GRID2: variants seen among roughly 807,000 people sequenced by gnomAD.
The protein encoded by GRID2 is glutamate receptor ionotropic, delta-2.
In GRID2, 33 loss-of-function variants were observed where a neutral mutation model predicts 114.8. The observed-to-expected ratio is 0.29, with a 90% CI of 0.22 to 0.38. The LOEUF (loss-of-function observed/expected upper bound fraction) is 0.38, where lower values mean the gene tolerates loss of function less well. Among genes scored for constraint, GRID2 ranks in the 10% least tolerant of loss-of-function variants. The pLI, the probability that GRID2 is intolerant of heterozygous loss-of-function variation, is 1.00. For synonymous variants in GRID2, 505 were observed against 449.9 expected (o/e 1.12, Z -1.55); for missense variants, 1,184 against 1,257.7 (o/e 0.94, Z 0.89).
intron 13 of GRID2, among the ~76,000 whole-genome samples, chr4:93,581,797 A>G (rs986451560): frequency 6.6e-6 from 1 of 152,124 alleles, no homozygotes; most frequent in Non-Finnish European, 1.5e-5. Flanking sequence ...TGCATTATTG[A>G]ATAATTTTAT....
chr4:93,154,202 A>C (rs920801261), intron 4 of GRID2, among the ~76,000 whole-genome samples: 1 of 152,076 alleles, frequency 6.6e-6, no homozygotes, highest in Non-Finnish European at 1.5e-5. Flanking sequence ...TTCAGTTGCT[A>C]TGCACCAGCA....
chr4:93,494,000 T>A (rs1231309677), intron 12 of GRID2, among the ~76,000 whole-genome samples: 1 of 151,756 alleles, frequency 6.6e-6, no homozygotes, highest in Non-Finnish European at 1.5e-5. Context: ...CTCCCGAAAT[T>A]TAAAGATATC....
At chr4:92,953,641 C>T (rs1752182307) in intron 2 of GRID2, among the ~76,000 whole-genome samples, 2 of 152,044 alleles carry the variant, frequency 1.3e-5, no homozygotes, top group African/African-American at 4.8e-5. Context: ...AGTCTCTCGA[C>T]AGGGAACAAA....
intron 14 of GRID2, among the ~76,000 whole-genome samples, chr4:93,634,081 GAGC>G (rs1173561078): frequency 3.3e-5 from 5 of 152,090 alleles, no homozygotes; most frequent in African/African-American, 9.7e-5. Flanking sequence ...CAAGCTCTGA[GAGC>G]AGAAGTGACA....
intron 2 of GRID2, among the ~76,000 whole-genome samples, chr4:92,962,196 CTG>C (rs113224004): frequency 2.6e-5 from 4 of 151,902 alleles, no homozygotes; most frequent in Admixed American, 6.6e-5. Context: ...TCTCTTCAAA[CTG>C]TGTGTGTGTG....
At chr4:93,778,936 T>A (rs938750359), downstream of GRID2, among the ~76,000 whole-genome samples, 1 of 152,152 alleles carries the variant, frequency 6.6e-6, no homozygotes, top group Non-Finnish European at 1.5e-5. Flanking sequence ...TATATACACA[T>A]AATTGGGACT....
chr4:93,343,299 T>C (rs1281938933), intron 8 of GRID2, among the ~76,000 whole-genome samples: 1 of 152,018 alleles, frequency 6.6e-6, no homozygotes, highest in Non-Finnish European at 1.5e-5. Flanking sequence ...CTATTTGAAT[T>C]GGGATGTGTT....
At chr4:92,942,988 T>C (rs1751290779) in intron 2 of GRID2, among the ~76,000 whole-genome samples, 1 of 152,236 alleles carries the variant, frequency 6.6e-6, no homozygotes. Context: ...CCTTTCTCTC[T>C]GGCTGCCCTT....
chr4:93,007,653 C>T (rs903014598), intron 2 of GRID2, among the ~76,000 whole-genome samples: 4 of 152,030 alleles, frequency 2.6e-5, no homozygotes, highest in Admixed American at 1.3e-4. Context: ...TATATTTAAT[C>T]GTAGATCCCA....
At chr4:92,389,451 A>G (rs566638878) in intron 1 of GRID2, among the ~76,000 whole-genome samples, 1 of 152,162 alleles carries the variant, frequency 6.6e-6, no homozygotes, top group East Asian at 1.9e-4. Context: ...AGGAAATAAT[A>G]CTCTAAGAAG....
At chr4:93,591,892 C>T (rs1042314743) in intron 13 of GRID2, among the ~76,000 whole-genome samples, 4 of 152,002 alleles carry the variant, frequency 2.6e-5, no homozygotes, top group East Asian at 1.9e-4. Context: ...TCTGTGGGAT[C>T]GGTGGTGATA....
chr4:92,965,450 TAAAAAAAAAAAAAAAAAAA>T (rs869285420), intron 2 of GRID2, among the ~76,000 whole-genome samples: 19 of 85,760 alleles, frequency 2.2e-4, no homozygotes, highest in East Asian at 1.9e-3. Flanking sequence ...ATTCAATTTG[TAAAAAAAAAAAAAAAAAAA>T]AAAAAAAAAA....
rs1729639629 is a variant in GRID2, at chr4:92,381,953, AT to A, written c.88+77215del. ...ACAGACTAGATATTGATTTATTACT[AT>A]TTTTTCAAGTTTTTCATGATTTTTC... is the stretch of plus-strand genomic sequence containing the variant. On this transcript the variant is annotated intron_variant, in intron 1 of 15. Coordinates refer to ENST00000282020, the MANE Select transcript of GRID2 (RefSeq NM_001510.4). 3.3e-5 allele frequency among the ~76,000 whole-genome samples: 5 copies of A among 152,084 alleles called. No individual in the cohort carries two copies. In the South Asian group the frequency reaches 1.0e-3, roughly 32 times the overall value.
At chr4:93,007,463 C>T (rs2149225529) in intron 2 of GRID2, among the ~76,000 whole-genome samples, 1 of 152,176 alleles carries the variant, frequency 6.6e-6, no homozygotes, top group African/African-American at 2.4e-5. Context: ...GCAGTAAAGC[C>T]TTTTTTAAAA....
At chr4:92,607,789 G>C (rs1193407416) in intron 2 of GRID2, among the ~76,000 whole-genome samples, 1 of 151,838 alleles carries the variant, frequency 6.6e-6, no homozygotes, top group Non-Finnish European at 1.5e-5. Context: ...AAGACACTGA[G>C]GTAGAATTAG....
chr4:93,743,118 G>A, intron 14 of GRID2, among the ~76,000 whole-genome samples: 2 of 152,284 alleles, frequency 1.3e-5, no homozygotes, highest in Non-Finnish European at 2.9e-5. Flanking sequence ...AGTTTAATTG[G>A]TCTGGATAGA....
At chr4:93,394,486 C>T (rs1765140354) in intron 8 of GRID2, among the ~76,000 whole-genome samples, 1 of 151,810 alleles carries the variant, frequency 6.6e-6, no homozygotes, top group Non-Finnish European at 1.5e-5. Flanking sequence ...ATAGGAAGCA[C>T]CTAAATTGTT....
Position 92,532,363 on chromosome 4 carries a change from TAAAAG to T in GRID2, c.89-57762_89-57758del, listed in dbSNP as rs568197050. ...TTGAAATATACTGAGCTGTAAAAAT[TAAAAG>T]AAAAGGATTTGGTTATCATCAATAC... On this transcript the variant is annotated intron_variant, in intron 1 of 15. Coordinates refer to ENST00000282020, the MANE Select transcript of GRID2 (RefSeq NM_001510.4). Among the ~76,000 whole-genome samples, 23 of 152,228 alleles carry T rather than the reference TAAAAG, an allele frequency of 1.5e-4. 1 individual carries two copies. The East Asian group carries it at 3.7e-3, about 24-fold the overall frequency.
Position 92,313,179 on chromosome 4 carries a change from T to A in GRID2, c.88+8435T>A, listed in dbSNP as rs79191278. Among the ~76,000 whole-genome samples the A allele has an allele frequency of 6.9e-3, 1,049 of 151,776 alleles. 12 individuals carry two copies. The highest frequency in any genetic ancestry group is 0.024 in the African/African-American group (1,011 of 41,360). Reference sequence around the variant, plus strand: ...AAGAACGAATTAACAGCATTTGCAATGACTTGGATGAGATTAGAGACTATT... The same window carrying A: ...AAGAACGAATTAACAGCATTTGCAAAGACTTGGATGAGATTAGAGACTATT... On this transcript the variant is annotated intron_variant, in intron 1 of 15. Coordinates refer to ENST00000282020, the MANE Select transcript of GRID2 (RefSeq NM_001510.4).
Sources: gnomAD v4.1 joint callset for allele counts (sites outside exome capture counted in the v4.1 genomes callset) on GRCh38, gnomAD v4.1.1 for gene constraint, MANE v1.5 for transcripts, NCBI Gene and HGNC (gene_info 2026-07-23, HGNC 2026-07-21) for gene names.